FMO5: variants seen among roughly 807,000 people sequenced by gnomAD.
FMO5 encodes the protein flavin-containing monooxygenase 5.
FMO5 carries 51 observed loss-of-function variants against 43.6 expected under a neutral mutation model. That is an observed-to-expected ratio of 1.17 (90% CI 0.93 to 1.48). FMO5 has a LOEUF of 1.48. Among genes scored for constraint, FMO5 ranks in the 40% most tolerant of loss-of-function variants. The probability of loss-of-function intolerance (pLI) is 0.00; values close to 1 mark genes in which losing one functional copy is unlikely to be tolerated. For missense variants in FMO5, 644 were observed against 643.0 expected (o/e 1.00, Z -0.02); for synonymous variants, 187 against 216.5 (o/e 0.86, Z 1.20).
chr1:147,226,515 T>C (rs1347558588), upstream of FMO5, among the ~76,000 whole-genome samples: 1 of 152,200 alleles, frequency 6.6e-6, no homozygotes, highest in African/African-American at 2.4e-5. Flanking sequence ...ATGTAACTTT[T>C]CAAATATAAA....
intron 6 of FMO5, chr1:147,203,231 A>G (rs587594056): frequency 9.8e-7 from 1 of 1,019,718 alleles, no homozygotes; most frequent in Admixed American, 2.1e-5. Context: ...TTAGAATACT[A>G]CTACAAATAC....
chr1:147,193,843 C>A (rs1210438918), intron 7 of FMO5, among the ~76,000 whole-genome samples: 34 of 152,072 alleles, frequency 2.2e-4, no homozygotes. Context: ...GTCCTGAGTT[C>A]TAGTTTCATT....
chr1:147,200,871 T>C (rs975486589), intron 7 of FMO5, among the ~76,000 whole-genome samples: 1 of 152,168 alleles, frequency 6.6e-6, no homozygotes, highest in Non-Finnish European at 1.5e-5. Flanking sequence ...AATATTTTTC[T>C]CAAAGATGTT....
At chr1:147,216,723 G>A in intron 2 of FMO5, among the ~76,000 whole-genome samples, 1 of 152,146 alleles carries the variant, frequency 6.6e-6, no homozygotes, top group East Asian at 1.9e-4. Context: ...ACCAAAGTAT[G>A]GTCTGTAGAC....
At chr1:147,194,365 T>G (rs1553919265) in intron 7 of FMO5, among the ~76,000 whole-genome samples, 2 of 152,146 alleles carry the variant, frequency 1.3e-5, no homozygotes, top group African/African-American at 4.8e-5. Context: ...GCTTGGTAGA[T>G]CTTCCTCCAT....
At chr1:147,203,030 A>G (rs2101849596) in intron 6 of FMO5, among the ~76,000 whole-genome samples, 1 of 151,984 alleles carries the variant, frequency 6.6e-6, no homozygotes, top group Non-Finnish European at 1.5e-5. Context: ...TGTAGGTATG[A>G]TTATGTTACT....
At chr1:147,185,128 T>G (rs186025510), downstream of FMO5, among the ~76,000 whole-genome samples, 272 of 151,462 alleles carry the variant, frequency 1.8e-3, no homozygotes, top group African/African-American at 6.3e-3. Context: ...TTCAATTTCT[T>G]GTTCACATCT....
chr1:147,184,519 G>A (rs782168675), downstream of FMO5: 37 of 1,546,664 alleles, frequency 2.4e-5, no homozygotes, highest in Non-Finnish European at 3.1e-5. The surrounding 1 kb of genome is among the most constrained non-coding windows in gnomAD (Gnocchi z 4.4). Context: ...CCTTTATTCC[G>A]GGACAATTTC....
chr1:147,192,094 C>A (rs587626038), intron 7 of FMO5, among the ~76,000 whole-genome samples: 1 of 152,222 alleles, frequency 6.6e-6, no homozygotes, highest in East Asian at 1.9e-4. Context: ...CTATAAATTA[C>A]CTTGGGCAGT....
intron 6 of FMO5, chr1:147,204,470 G>A (rs1211380481): frequency 1.1e-5 from 16 of 1,454,858 alleles, no homozygotes; most frequent in Admixed American, 1.7e-5. Context: ...TCAACATCTC[G>A]AAGGTTTTTT....
chr1:147,215,486 T>C (rs1192757722), intron 3 of FMO5: 3 of 399,652 alleles, frequency 7.5e-6, no homozygotes, highest in African/African-American at 6.2e-5. Context: ...CATCTGTTTA[T>C]TGCAATCAAA....
chr1:147,201,380 TG>T lies in FMO5; in HGVS notation c.954del (p.Arg319GlyfsTer51). 1 of 1,614,154 alleles carries T rather than the reference TG, an allele frequency of 6.2e-7. No individual in the cohort carries two copies. Among genetic ancestry groups the T allele is most frequent in the Non-Finnish European group, 8.5e-7 (1 of 1,179,966 alleles). ...ATAACAGCATCAATGTCATCCTCCCTGGAGCCATCCTCAAATATGGCAGCTG... is the reference window on the plus strand; with the variant it reads ...ATAACAGCATCAATGTCATCCTCCCTGAGCCATCCTCAAATATGGCAGCTG... ...TETAAIFEDGSREDDIDAVIF... is the reference protein window; with the variant it reads ...TETAAIFEDGXREDDIDAVIF... On this transcript the variant is annotated frameshift_variant, in exon 7 of 9. Coordinates refer to ENST00000254090, the MANE Select transcript of FMO5 (RefSeq NM_001461.4). LOFTEE classifies it high-confidence loss of function.
chr1:147,204,916 G>T, intron 6 of FMO5: 1 of 1,571,930 alleles, frequency 6.4e-7, no homozygotes, highest in Non-Finnish European at 8.8e-7. Flanking sequence ...CGGAGCCTTG[G>T]GAACTTGAAG....
intron 7 of FMO5, 51 bp downstream of exon 7, chr1:147,201,101 A>C (rs1553920763): frequency 7.7e-7 from 1 of 1,306,894 alleles, no homozygotes; most frequent in African/African-American, 1.5e-5. Flanking sequence ...ACCTAAACAG[A>C]GGTAAACATA....
At chr1:147,203,930 C>T in intron 6 of FMO5, 1 of 1,444,284 alleles carries the variant, frequency 6.9e-7, no homozygotes, top group Non-Finnish European at 9.7e-7. Flanking sequence ...AGGTGTCAAT[C>T]TAGGAAGAGC....
intron 5 of FMO5, chr1:147,210,519 GT>G (rs1660909731): frequency 6.6e-6 from 1 of 152,168 alleles, no homozygotes; most frequent in Non-Finnish European, 1.5e-5. Flanking sequence ...TAAAGTGACT[GT>G]AAGCACTCTG....
At position 147,191,511 on chromosome 1, in the gene FMO5, G is replaced by A. The variant is rs374937676; in HGVS notation, c.1184-1262C>T. Among the ~76,000 whole-genome samples, 27 of 150,522 alleles carry A rather than the reference G, an allele frequency of 1.8e-4. No individual in the cohort carries two copies. In the East Asian group the frequency reaches 4.3e-3, roughly 24 times the overall value. On this transcript the variant is annotated intron_variant, in intron 7 of 8. Transcript: ENST00000254090. Reference sequence around the variant, plus strand: ...TGAGAAGTGTCTGTTCATATCCTTTGCCCACTTTTTGATGGGGTTGTTTGT... The same window carrying A: ...TGAGAAGTGTCTGTTCATATCCTTTACCCACTTTTTGATGGGGTTGTTTGT...
chr1:147,190,074 A>G (rs1298755510), intron 8 of FMO5, 103 bp downstream of exon 8: 2 of 736,398 alleles, frequency 2.7e-6, no homozygotes, highest in Admixed American at 5.2e-5. Context: ...AATAGAATCT[A>G]AATCCTTAAG....
At chr1:147,207,724 C>T (rs4534444) in intron 6 of FMO5, among the ~76,000 whole-genome samples, 8,488 of 152,232 alleles carry the variant, frequency 0.056, 265 homozygotes, top group African/African-American at 0.092. Flanking sequence ...AACCCTGGTT[C>T]CGGGAATACC....
Sources: allele counts gnomAD v4.1 joint callset (sites outside exome capture counted in the v4.1 genomes callset), GRCh38; gene constraint gnomAD v4.1.1; non-coding constraint Gnocchi (gnomAD v3.1); transcripts MANE v1.5; gene names NCBI Gene and HGNC (gene_info 2026-07-23, HGNC 2026-07-21).